The following TEX36 variants were observed in gnomAD, a reference collection of about 807,000 sequenced individuals.
The protein encoded by TEX36 is testis expressed 36.
In TEX36, 12 loss-of-function variants were observed where a neutral mutation model predicts 13.6. That is an observed-to-expected ratio of 0.88 (90% CI 0.56 to 1.43). The LOEUF (loss-of-function observed/expected upper bound fraction) is 1.43. Ranked by LOEUF, TEX36 falls within the 40% of genes most tolerant of loss-of-function variation. The pLI is 0.00. For missense variants in TEX36, 224 were observed against 228.3 expected (o/e 0.98, Z 0.12); for synonymous variants, 93 against 83.0 (o/e 1.12, Z -0.65).
intron 3 of TEX36, among the ~76,000 whole-genome samples, chr10:125,598,907 G>T (rs1246640433): frequency 6.6e-6 from 1 of 152,050 alleles, no homozygotes; most frequent in African/African-American, 2.4e-5. Context: ...TGGTCCTGCT[G>T]GTTAACCACT....
At chr10:125,671,787 T>G (rs775662826) in intron 1 of TEX36, among the ~76,000 whole-genome samples, 5 of 152,180 alleles carry the variant, frequency 3.3e-5, no homozygotes, top group Admixed American at 6.5e-5. Flanking sequence ...GGTAGGCTAT[T>G]AATTACTGCC....
At chr10:125,636,769 GGGTGAGCTA>G (rs1300816090) in intron 3 of TEX36, among the ~76,000 whole-genome samples, 1 of 152,096 alleles carries the variant, frequency 6.6e-6, no homozygotes, top group Non-Finnish European at 1.5e-5. Context: ...ACTTGTGTGT[GGGTGAGCTA>G]AGAACACTCA....
intron 3 of TEX36, among the ~76,000 whole-genome samples, chr10:125,589,906 C>T (rs1451960846): frequency 1.3e-5 from 2 of 152,208 alleles, no homozygotes; most frequent in Admixed American, 6.5e-5. Flanking sequence ...TGTAAAGTCT[C>T]GGTATCACAA....
chr10:125,637,923 G>C (rs144493352), intron 3 of TEX36, among the ~76,000 whole-genome samples: 1 of 151,982 alleles, frequency 6.6e-6, no homozygotes, highest in African/African-American at 2.4e-5. Context: ...TGCAAGTCCA[G>C]ACCACCCCCC....
At chr10:125,624,158 T>A (rs1488312268) in intron 3 of TEX36, among the ~76,000 whole-genome samples, 6 of 152,220 alleles carry the variant, frequency 3.9e-5, no homozygotes, top group Non-Finnish European at 5.9e-5. Flanking sequence ...GGCAAGTTAA[T>A]CTTAGTGTTT....
chr10:125,600,799 T>C (rs181728313), intron 3 of TEX36, among the ~76,000 whole-genome samples: 6 of 152,296 alleles, frequency 3.9e-5, no homozygotes, highest in Non-Finnish European at 7.4e-5. Context: ...GGCATCTCAT[T>C]AGTGTTTCAA....
At chr10:125,681,784 T>C (rs1269108529) in intron 1 of TEX36, among the ~76,000 whole-genome samples, 2 of 152,262 alleles carry the variant, frequency 1.3e-5, no homozygotes, top group African/African-American at 4.8e-5. Flanking sequence ...GTGGTTTCTA[T>C]GTGCTCACTC....
chr10:125,588,147 G>T (rs1337944672), intron 3 of TEX36, among the ~76,000 whole-genome samples: 1 of 152,198 alleles, frequency 6.6e-6, no homozygotes, highest in African/African-American at 2.4e-5. Flanking sequence ...TAGTTGATGG[G>T]TTAATGAGTC....
At chr10:125,641,258 A>T (rs920217817) in intron 3 of TEX36, among the ~76,000 whole-genome samples, 16 of 152,248 alleles carry the variant, frequency 1.1e-4, no homozygotes, top group Admixed American at 9.2e-4. Flanking sequence ...ATACTCTAAC[A>T]AAAAGAAGGC....
intron 3 of TEX36, among the ~76,000 whole-genome samples, chr10:125,646,067 A>G (rs1164931736): frequency 6.6e-6 from 1 of 152,348 alleles, no homozygotes; most frequent in East Asian, 1.9e-4. Flanking sequence ...AGAGGCTCAC[A>G]CCGATAATCC....
At chr10:125,585,029 G>T (rs1009623863) in intron 3 of TEX36, among the ~76,000 whole-genome samples, 4 of 152,158 alleles carry the variant, frequency 2.6e-5, no homozygotes, top group African/African-American at 7.2e-5. Context: ...CTTAGGCAAG[G>T]ATTAACCTGC....
Position 125,625,725 on chromosome 10 carries a change from G to A in TEX36, c.265-4080C>T, listed in dbSNP as rs533408448. ...TCTCACAGAGAGCAAGGAACAGAAC[G>A]TTGCCAACACCCCAGAGGCGCAGCC... On this transcript the variant is annotated intron_variant, in intron 3 of 3. Transcript: ENST00000526819. 1.3e-4 allele frequency among the ~76,000 whole-genome samples: 20 copies of A among 152,226 alleles called. No homozygotes were observed. The East Asian group carries it at 2.1e-3, about 16-fold the overall frequency.
At chr10:125,643,450 A>T (rs1465493627) in intron 3 of TEX36, among the ~76,000 whole-genome samples, 4 of 152,168 alleles carry the variant, frequency 2.6e-5, no homozygotes, top group Admixed American at 2.6e-4. Context: ...TCTACTAAAA[A>T]TACAAAAATT....
intron 3 of TEX36, among the ~76,000 whole-genome samples, chr10:125,638,830 C>A (rs770335711): frequency 6.6e-6 from 1 of 152,226 alleles, no homozygotes; most frequent in Non-Finnish European, 1.5e-5. Flanking sequence ...TGAAGCCTAA[C>A]GTCACACATC....
At chr10:125,650,360 A>G (rs1016702378) in intron 3 of TEX36, among the ~76,000 whole-genome samples, 2 of 152,192 alleles carry the variant, frequency 1.3e-5, no homozygotes, top group South Asian at 2.1e-4. Flanking sequence ...AAACAGCTCA[A>G]CTACATGGAA....
chr10:125,647,808 T>A (rs777934735), intron 3 of TEX36, among the ~76,000 whole-genome samples: 2 of 152,188 alleles, frequency 1.3e-5, no homozygotes, highest in Non-Finnish European at 2.9e-5. Context: ...CCCACCATAA[T>A]ACTGCGCTTT....
At chr10:125,626,186 C>G (rs1045119659) in intron 3 of TEX36, among the ~76,000 whole-genome samples, 1 of 152,176 alleles carries the variant, frequency 6.6e-6, no homozygotes, top group African/African-American at 2.4e-5. Context: ...CCCTCCTCCT[C>G]CCTTCTACAA....
chr10:125,604,794 GA>G (rs1846195179), intron 3 of TEX36, among the ~76,000 whole-genome samples: 1 of 151,960 alleles, frequency 6.6e-6, no homozygotes, highest in African/African-American at 2.4e-5. Flanking sequence ...CCTGGAGACA[GA>G]GCGAGACTCT....
At chr10:125,664,721 A>G (rs1315016104) in intron 1 of TEX36, among the ~76,000 whole-genome samples, 1 of 152,168 alleles carries the variant, frequency 6.6e-6, no homozygotes, top group African/African-American at 2.4e-5. Context: ...GCCATACAGA[A>G]CTGTGAATCA....
Sources: allele counts gnomAD v4.1 joint callset (sites outside exome capture counted in the v4.1 genomes callset), GRCh38; gene constraint gnomAD v4.1.1; transcripts MANE v1.5; gene names NCBI Gene and HGNC (gene_info 2026-07-23, HGNC 2026-07-21).